The following CCDC141 variants were observed in gnomAD, a reference collection of about 807,000 sequenced individuals.
CCDC141 encodes the protein coiled-coil domain containing 141, also known as coiled-coil domain-containing protein 141.
A neutral mutation model predicts 181.0 loss-of-function variants in CCDC141; 168 were observed. The observed-to-expected ratio is 0.93, with a 90% CI of 0.82 to 1.05. The LOEUF is 1.05. Among genes scored for constraint, CCDC141 ranks in the 50% least tolerant of loss-of-function variants. The probability of loss-of-function intolerance (pLI) is 0.00; values close to 1 mark genes in which losing one functional copy is unlikely to be tolerated. For synonymous variants in CCDC141, 666 were observed against 642.3 expected (o/e 1.04, Z -0.56); for missense variants, 1,902 against 1,788.5 (o/e 1.06, Z -1.14).
chr2:178,866,508 T>C (rs1685858244), intron 16 of CCDC141, among the ~76,000 whole-genome samples: 1 of 152,252 alleles, frequency 6.6e-6, no homozygotes, highest in African/African-American at 2.4e-5. Flanking sequence ...TATTTCTATA[T>C]CTTTCAGTTT....
chr2:178,941,852 C>A (rs1423308898), intron 6 of CCDC141, among the ~76,000 whole-genome samples: 2 of 149,156 alleles, frequency 1.3e-5, no homozygotes, highest in Admixed American at 1.3e-4. Context: ...CCCAGGTGCT[C>A]GGGAGGCTGA....
chr2:178,892,268 GC>G (rs1367241122), intron 8 of CCDC141, among the ~76,000 whole-genome samples: 3 of 152,228 alleles, frequency 2.0e-5, no homozygotes, highest in African/African-American at 7.2e-5. Flanking sequence ...AGACTGAACT[GC>G]CTTGTCATTC....
intron 2 of CCDC141, among the ~76,000 whole-genome samples, chr2:179,003,065 T>C (rs1387288384): frequency 6.6e-6 from 1 of 152,224 alleles, no homozygotes; most frequent in East Asian, 1.9e-4. Context: ...TGCCCAGTGA[T>C]TGTTTTTGGG....
At chr2:178,936,894 C>T (rs993716169) in intron 6 of CCDC141, among the ~76,000 whole-genome samples, 12 of 151,888 alleles carry the variant, frequency 7.9e-5, no homozygotes, top group Admixed American at 6.6e-4. Context: ...TGTGTCTTGG[C>T]TTGGCTGTTG....
intron 5 of CCDC141, among the ~76,000 whole-genome samples, chr2:178,950,404 GC>G (rs1398539584): frequency 6.6e-6 from 1 of 152,054 alleles, no homozygotes; most frequent in Non-Finnish European, 1.5e-5. Context: ...AGTCAAATGA[GC>G]TCTGGACTTA....
downstream of CCDC141, among the ~76,000 whole-genome samples, chr2:178,826,344 T>C (rs1464101431): frequency 1.3e-5 from 2 of 152,202 alleles, no homozygotes; most frequent in African/African-American, 4.8e-5. Context: ...GTGTTGAGGA[T>C]TTTTGTAATT....
intron 4 of CCDC141, among the ~76,000 whole-genome samples, chr2:178,970,974 C>A (rs953236309): frequency 6.6e-6 from 1 of 152,194 alleles, no homozygotes; most frequent in African/African-American, 2.4e-5. Context: ...CTTCGGGAGG[C>A]TGAGGCGGGC....
At chr2:178,880,653 C>T (rs4894059) in intron 11 of CCDC141, among the ~76,000 whole-genome samples, 80,223 of 151,746 alleles carry the variant, frequency 0.53, 22,932 homozygotes, top group East Asian at 0.92. Flanking sequence ...GTGCTTGATC[C>T]TGCACACCTC....
At chr2:178,899,398 T>C (rs1687574897) in intron 8 of CCDC141, among the ~76,000 whole-genome samples, 1 of 152,170 alleles carries the variant, frequency 6.6e-6, no homozygotes, top group Non-Finnish European at 1.5e-5. Flanking sequence ...GCCCTTTCTA[T>C]GTGCTGATGG....
chr2:178,870,900 A>G (rs2154369115), intron 14 of CCDC141, among the ~76,000 whole-genome samples: 1 of 152,310 alleles, frequency 6.6e-6, no homozygotes, highest in South Asian at 2.1e-4. Flanking sequence ...AGTCAGGGTC[A>G]GGAACATGAC....
intron 2 of CCDC141, among the ~76,000 whole-genome samples, chr2:178,987,414 A>G (rs1371162055): frequency 6.6e-6 from 1 of 152,128 alleles, no homozygotes; most frequent in Non-Finnish European, 1.5e-5. Flanking sequence ...ATGTGCAAGG[A>G]CTTCATGTCT....
At chr2:179,043,858 C>T (rs946030659) in intron 2 of CCDC141, among the ~76,000 whole-genome samples, 7 of 152,208 alleles carry the variant, frequency 4.6e-5, no homozygotes, top group African/African-American at 1.7e-4. Context: ...GGAAGTAAAA[C>T]TATCTTTGCA....
Position 178,905,515 on chromosome 2 carries a change from C to T in CCDC141, c.1093-14G>A, listed in dbSNP as rs1433481742. On this transcript the variant is annotated splice_polypyrimidine_tract_variant and intron_variant, in intron 7 of 23. Coordinates refer to ENST00000443758, the MANE Select transcript of CCDC141 (RefSeq NM_173648.4). ...TACATCAAATGCCTGCCAAAGAAAACATACTTTTATTTTCTGCTTCTCTAG... is the reference window on the plus strand; with the variant it reads ...TACATCAAATGCCTGCCAAAGAAAATATACTTTTATTTTCTGCTTCTCTAG... 1 of 1,536,638 alleles carries T rather than the reference C, an allele frequency of 6.5e-7. No homozygotes were observed. Among genetic ancestry groups the T allele is most frequent in the African/African-American group, 1.4e-5 (1 of 72,144 alleles).
chr2:178,950,869 G>A (rs1689924780), intron 5 of CCDC141, among the ~76,000 whole-genome samples: 1 of 152,104 alleles, frequency 6.6e-6, no homozygotes, highest in Non-Finnish European at 1.5e-5. Flanking sequence ...ATAATTTTAT[G>A]TATTTAACTA....
intron 11 of CCDC141, among the ~76,000 whole-genome samples, chr2:178,878,347 G>A (rs1558948935): frequency 1.3e-5 from 2 of 151,228 alleles, no homozygotes; most frequent in Non-Finnish European, 2.9e-5. Flanking sequence ...CACACAGGCT[G>A]GAGTGCAGTG....
At chr2:178,993,013 C>A (rs1437341904) in intron 2 of CCDC141, among the ~76,000 whole-genome samples, 4 of 152,154 alleles carry the variant, frequency 2.6e-5, no homozygotes, top group African/African-American at 9.7e-5. Flanking sequence ...GTCAATTAAA[C>A]CTCTTTCCTT....
At chr2:178,944,832 C>A (rs1689664265) in intron 5 of CCDC141, among the ~76,000 whole-genome samples, 181 bp from the exon 6 acceptor site, 1 of 151,996 alleles carries the variant, frequency 6.6e-6, no homozygotes, top group Non-Finnish European at 1.5e-5. Context: ...TTAACCTCTA[C>A]ATGCATAAAA....
At chr2:178,868,278 T>C (rs1220735408) in intron 15 of CCDC141, 73 bp from the exon 16 acceptor site, 6 of 1,318,224 alleles carry the variant, frequency 4.6e-6, no homozygotes, top group Admixed American at 1.9e-5. Flanking sequence ...CTAATTTCTA[T>C]AGCACATTTT....
chr2:179,039,567 A>G (rs1223838021), intron 2 of CCDC141, among the ~76,000 whole-genome samples: 2 of 152,176 alleles, frequency 1.3e-5, no homozygotes, highest in Non-Finnish European at 2.9e-5. Context: ...AGAGAGACTT[A>G]AGTGTTGTGC....
Sources: gnomAD v4.1 joint callset for allele counts (sites outside exome capture counted in the v4.1 genomes callset) on GRCh38, gnomAD v4.1.1 for gene constraint, MANE v1.5 for transcripts, NCBI Gene and HGNC (gene_info 2026-07-23, HGNC 2026-07-21) for gene names.